GAS2L1: variants seen among roughly 807,000 people sequenced by gnomAD.
GAS2L1 encodes the protein GAS2-like protein 1.
In GAS2L1, 26 loss-of-function variants were observed where a neutral mutation model predicts 44.0. That is an observed-to-expected ratio of 0.59 (90% CI 0.43 to 0.82). The LOEUF (loss-of-function observed/expected upper bound fraction) is 0.82, where lower values mean the gene tolerates loss of function less well. GAS2L1 is among the 40% of genes least tolerant of loss of function. The probability of loss-of-function intolerance (pLI) is 0.00; values close to 1 mark genes in which losing one functional copy is unlikely to be tolerated. For missense variants in GAS2L1, 1,006 were observed against 983.0 expected (o/e 1.02, Z -0.31); for synonymous variants, 426 against 415.9 (o/e 1.02, Z -0.30).
intron 4 of GAS2L1, 160 bp from the exon 6 acceptor site, chr22:29,311,301 TG>T (rs1450226914): frequency 1.7e-6 from 1 of 585,272 alleles, no homozygotes; most frequent in Non-Finnish European, 3.0e-6. Flanking sequence ...CCTGGGCCGC[TG>T]GAGGAAGCTG....
chr22:29,310,591 G>A (rs376750349), intron 2 of GAS2L1, 45 bp downstream of exon 3: 1 of 1,586,192 alleles, frequency 6.3e-7, no homozygotes, highest in Non-Finnish European at 8.7e-7. Context: ...CAAGGTGGTG[G>A]GCTGCGGGGC....
At chr22:29,311,403 G>A in intron 4 of GAS2L1, 59 bp from the exon 6 acceptor site, 1 of 691,090 alleles carries the variant, frequency 1.4e-6, no homozygotes, top group Non-Finnish European at 2.4e-6. Flanking sequence ...CTCCCTGCCT[G>A]TTCTGCATGC....
exon 5 of GAS2L1, chr22:29,311,689 G>T: frequency 6.6e-7 from 1 of 1,518,880 alleles, no homozygotes; most frequent in South Asian, 1.2e-5. Context: ...GATCGCGGCC[G>T]GCCCCGGGGG....
At chr22:29,308,102 G>T in exon 1 of GAS2L1, 1 of 1,552,120 alleles carries the variant, frequency 6.4e-7, no homozygotes. Flanking sequence ...CGGCCGGTCC[G>T]GGCATGGCAG....
chr22:29,307,655 G>A (rs999026597), exon 1 of GAS2L1: 2 of 156,526 alleles, frequency 1.3e-5, no homozygotes, highest in African/African-American at 4.8e-5. Context: ...CGCAGGACAT[G>A]GGGTGGGCAC....
chr22:29,309,570 C>T (rs894803319), intron 1 of GAS2L1, among the ~76,000 whole-genome samples: 21 of 152,264 alleles, frequency 1.4e-4, no homozygotes, highest in South Asian at 6.2e-4. Context: ...GCACCACTGC[C>T]GCTGTGGGCG....
chr22:29,312,175 G>T lies in GAS2L1; in HGVS notation c.1724G>T (p.Gly575Val), dbSNP rs2061416609. The change falls in exon 5 of 5, where the codon GGC (glycine) becomes GTC (valine). Residue 575 changes from glycine (G) to valine (V), a missense_variant. Coordinates refer to ENST00000618518, the Ensembl canonical transcript of GAS2L1. The stretch of plus-strand genomic sequence containing the variant: ...TCTTCGTCCCTCAGCGTCCTGGGTG[G>T]CAAATGTGGCCAACCTGGGGACTCT... The T allele has an allele frequency of 6.2e-6, 10 of 1,613,082 alleles. No individual in the cohort carries two copies. The East Asian group carries it at 2.2e-4, about 36-fold the overall frequency.
chr22:29,308,641 C>T (rs1412594974), exon 1 of GAS2L1: 2 of 1,573,590 alleles, frequency 1.3e-6, no homozygotes, highest in African/African-American at 1.4e-5. Context: ...AACGCCCCTG[C>T]CGCTGGGGAG....
Position 29,308,643 on chromosome 22 carries a change from G to A in GAS2L1, c.538G>A (p.Ala180Thr), listed in dbSNP as rs1475252682. 51 of 1,572,528 alleles carry A rather than the reference G, an allele frequency of 3.2e-5. No individual in the cohort carries two copies. The highest frequency in any genetic ancestry group is 1.8e-4 in the East Asian group (8 of 43,700). ...ACCCCCAGCCCCCAACGCCCCTGCC[G>A]CTGGGGAGGACACCACTGAAACCGC... The change falls in exon 1 of 5, where the codon GCT (alanine) becomes ACT (threonine). Residue 180 changes from alanine to threonine, a missense_variant. By Grantham distance (58) the Ala-to-Thr change is moderately conservative. Transcript: ENST00000618518.
intron 3 of GAS2L1, 46 bp downstream of exon 4, chr22:29,310,780 T>G (rs549624789): frequency 6.2e-7 from 1 of 1,606,118 alleles, no homozygotes; most frequent in African/African-American, 1.3e-5. Context: ...GGGGACTTGC[T>G]TCTGTGGCTC....
chr22:29,310,476 A>G (rs150360591), exon 2 of GAS2L1: 12 of 1,611,712 alleles, frequency 7.4e-6, no homozygotes, highest in Non-Finnish European at 7.6e-6. Flanking sequence ...TGCCCTGACC[A>G]GTTTCCCATG....
At chr22:29,308,372 G>T (rs752096933) in exon 1 of GAS2L1, 10 of 1,605,926 alleles carry the variant, frequency 6.2e-6, no homozygotes, top group South Asian at 2.2e-5. Flanking sequence ...CCTTCCAGGC[G>T]CACAGTGTAG....
chr22:29,309,958 G>A (rs1361255979), intron 1 of GAS2L1, among the ~76,000 whole-genome samples: 3 of 152,162 alleles, frequency 2.0e-5, no homozygotes, highest in Admixed American at 6.5e-5. Context: ...CAAGAAAGGG[G>A]AGCCGGTGAA....
In GAS2L1 at chr22:29,310,743, C is replaced by CAGGGTG; in HGVS notation, c.838+10_838+15dup. 1.2e-6 allele frequency: 2 copies of CAGGGTG among 1,607,544 alleles called. No homozygotes were observed. Among genetic ancestry groups the CAGGGTG allele is most frequent in the East Asian group, 2.2e-5 (1 of 44,870 alleles). On this transcript the variant is annotated intron_variant, in intron 3 of 4. Transcript: ENST00000618518. ...CCGCTGCTCCTCCACTGGTCAGTGC[C>CAGGGTG]AGGGTGGGGCTGGGGCTGGACGGGC...
chr22:29,310,808 C>G lies in GAS2L1; in HGVS notation c.839-19C>G, dbSNP rs764549668. 3 of 1,607,292 alleles carry G rather than the reference C, an allele frequency of 1.9e-6. No individual in the cohort carries two copies. The highest frequency in any genetic ancestry group is 3.3e-5 in the Admixed American group (2 of 59,952). On this transcript the variant is annotated intron_variant, in intron 3 of 4. Coordinates refer to ENST00000618518, the Ensembl canonical transcript of GAS2L1. ...TGTGGCTCTGTCCCTCACATGCTGC[C>G]TGTCCTCTCTCCCCGCAGCTCATCG...
exon 5 of GAS2L1, chr22:29,312,374 C>T: frequency 6.2e-7 from 1 of 1,600,548 alleles, no homozygotes; most frequent in Non-Finnish European, 8.5e-7. Flanking sequence ...CACAGCCAGA[C>T]CGTAAACCCT....
chr22:29,311,477 G>A lies in GAS2L1; in HGVS notation c.1026G>A (p.Leu342=), dbSNP rs533663207. 2.3e-4 allele frequency: 329 copies of A among 1,409,936 alleles called. 1 individual carries two copies. The highest frequency in any genetic ancestry group is 3.1e-4 in the Non-Finnish European group (322 of 1,043,242). 87.3% of individuals were successfully genotyped at this position (1,409,936 alleles called of 1,614,324 possible). Residue 342 remains leucine (L), a synonymous_variant, in exon 5 of 5, where the codon CTG becomes CTA. Transcript: ENST00000618518. ...CCTGCCCCAGGCCCCGGGATCAGCT[G>A]CCCCCCCATCCCCGCTCCCGCCGCT...
chr22:29,310,839 C>T, exon 4 of GAS2L1: 1 of 1,610,336 alleles, frequency 6.2e-7, no homozygotes, highest in Non-Finnish European at 8.5e-7. Context: ...CATCGCCCAC[C>T]CCAGCCGAGG....
chr22:29,310,615 C>G, intron 2 of GAS2L1, 23 bp from the exon 4 acceptor site: 1 of 1,598,018 alleles, frequency 6.3e-7, no homozygotes, highest in South Asian at 1.1e-5. Context: ...CGGGGCACAG[C>G]CGTGACCTGC....
Sources: allele counts gnomAD v4.1 joint callset (sites outside exome capture counted in the v4.1 genomes callset), GRCh38; gene constraint gnomAD v4.1.1; transcripts MANE v1.5; gene names NCBI Gene and HGNC (gene_info 2026-07-23, HGNC 2026-07-21).